Variants in CFAP47 observed in about 807,000 individuals in gnomAD.
CFAP47 encodes the protein cilia and flagella associated protein 47, also known as cilia- and flagella-associated protein 47.
In CFAP47, 29 loss-of-function variants were observed where a neutral mutation model predicts 148.1. The ratio of observed to expected loss-of-function variants is 0.20; its 90% CI spans 0.15 to 0.27. The LOEUF is 0.27. CFAP47 is among the 10% of genes least tolerant of loss of function. CFAP47 has a pLI of 1.00. For synonymous variants in CFAP47, 664 were observed against 577.3 expected (o/e 1.15, Z -2.15); for missense variants, 1,872 against 1,697.5 (o/e 1.10, Z -1.81).
chrX:36,024,470 C>T (rs1937193476), intron 22 of CFAP47, among the ~76,000 whole-genome samples: 1 of 111,660 alleles, frequency 9.0e-6, no homozygotes, highest in African/African-American at 3.3e-5. Context: ...GGTCACGTGC[C>T]TCCCCAGAAC....
At chrX:36,288,875 A>G (rs1322765209) in intron 51 of CFAP47, among the ~76,000 whole-genome samples, 2 of 111,756 alleles carry the variant, frequency 1.8e-5, no homozygotes, top group African/African-American at 3.3e-5. Flanking sequence ...TCTAGTAAAC[A>G]AAATAAAAAT....
At chrX:36,248,390 ATATAT>A (rs1291080535) in intron 48 of CFAP47, among the ~76,000 whole-genome samples, 191 of 104,770 alleles carry the variant, frequency 1.8e-3, no homozygotes, top group Non-Finnish European at 2.0e-3. Flanking sequence ...ATAACATATT[ATATAT>A]TATATTATAT....
chrX:36,001,581 T>C (rs1383324961), intron 20 of CFAP47, 32 bp from the exon 21 acceptor site: 1 of 292,249 alleles, frequency 3.4e-6, no homozygotes, highest in East Asian at 4.8e-5. Context: ...TTTTGATTGT[T>C]ATGAATATGT....
At chrX:36,086,507 C>T (rs2146778039) in intron 30 of CFAP47, among the ~76,000 whole-genome samples, 1 of 111,538 alleles carries the variant, frequency 9.0e-6, no homozygotes, top group Non-Finnish European at 1.9e-5. Context: ...CAGAGATGTT[C>T]ATCTATCCTA....
At chrX:35,920,122 G>C in intron 1 of CFAP47, 74 bp downstream of exon 1, 3 of 1,074,012 alleles carry the variant, frequency 2.8e-6, no homozygotes, top group Non-Finnish European at 3.7e-6. Context: ...CTTTGCCCCA[G>C]GGAGTAGTCA....
intron 37 of CFAP47, among the ~76,000 whole-genome samples, chrX:36,150,090 A>C (rs1939290386): frequency 9.0e-6 from 1 of 110,961 alleles, no homozygotes; most frequent in Admixed American, 9.7e-5. Context: ...TGTGTGTGTA[A>C]ATGATGGATA....
rs112513518 is a variant in CFAP47 at position 36,075,176 on chromosome X, T to C, written c.4691+1812T>C. 9.5e-3 allele frequency among the ~76,000 whole-genome samples: 1,045 copies of C among 109,998 alleles called. 8 individuals carry two copies. The highest frequency in any genetic ancestry group is 0.033 in the African/African-American group (985 of 30,304). On this transcript the variant is annotated intron_variant, in intron 29 of 63. Coordinates refer to ENST00000378653, the MANE Select transcript of CFAP47 (RefSeq NM_001304548.2). ...CATGTGGTAGCTTTATTTTAATGTT[T>C]TAATTTTAATTTTATATGTATTATT... is the stretch of plus-strand genomic sequence containing the variant.
Position 36,371,718 on chromosome X carries a change from A to G in CFAP47, c.9185+4591A>G, listed in dbSNP as rs1357897625. On this transcript the variant is annotated intron_variant, in intron 62 of 63. Transcript: ENST00000378653. ...TACACACATGTGTATATATGTGTGT[A>G]TATACACACATGTGTGTATATATGT... Among the ~76,000 whole-genome samples, 20 of 63,073 alleles carry G rather than the reference A, an allele frequency of 3.2e-4. 1 individual carries two copies. The highest frequency in any genetic ancestry group is 2.2e-3 in the Admixed American group (14 of 6,407). 54.8% of individuals were successfully genotyped at this position (63,073 alleles called of 115,157 possible).
intron 30 of CFAP47, among the ~76,000 whole-genome samples, chrX:36,091,192 A>G (rs1938179258): frequency 9.0e-6 from 1 of 111,055 alleles, no homozygotes; most frequent in Admixed American, 9.6e-5. Context: ...CTTGTCCTCA[A>G]TTTTACCTAG....
intron 26 of CFAP47, among the ~76,000 whole-genome samples, chrX:36,061,559 G>A (rs952327724): frequency 8.9e-6 from 1 of 112,058 alleles, no homozygotes; most frequent in African/African-American, 3.2e-5. Context: ...AATAGCTATA[G>A]CAAGTGTTAG....
chrX:36,108,279 G>A (rs1451970116), intron 33 of CFAP47, among the ~76,000 whole-genome samples: 1 of 110,632 alleles, frequency 9.0e-6, no homozygotes, highest in African/African-American at 3.3e-5. Flanking sequence ...TCCTCTTGTG[G>A]TTTTAAGTTA....
intron 25 of CFAP47, among the ~76,000 whole-genome samples, chrX:36,041,607 A>G (rs1383665444): frequency 1.8e-5 from 2 of 111,598 alleles, no homozygotes; most frequent in Non-Finnish European, 3.8e-5. Context: ...GACAGTATAG[A>G]AAAGCTGAAT....
At chrX:36,090,695 G>A (rs1938168360) in intron 30 of CFAP47, among the ~76,000 whole-genome samples, 1 of 111,584 alleles carries the variant, frequency 9.0e-6, no homozygotes, top group Non-Finnish European at 1.9e-5. Flanking sequence ...TTCAAGATAT[G>A]TGCATATGTT....
intron 33 of CFAP47, among the ~76,000 whole-genome samples, chrX:36,120,376 A>G (rs1328491645): frequency 2.7e-5 from 3 of 110,922 alleles, no homozygotes; most frequent in Non-Finnish European, 5.7e-5. Context: ...TATTTCTGCT[A>G]TGATCTTGAT....
intron 30 of CFAP47, 102 bp downstream of exon 30, chrX:36,085,640 A>AAC (rs200423976): frequency 0.091 from 29,247 of 321,832 alleles, 1,590 homozygotes; most frequent in African/African-American, 0.27. Flanking sequence ...TTTCTAACCA[A>AAC]ACACACACAC....
In CFAP47 at chrX:36,379,362, G is replaced by T; in HGVS notation, c.9198G>T (p.Pro3066=). Residue 3066 remains proline (P), a synonymous_variant, in exon 63 of 64, where the codon CCG becomes CCT. Coordinates refer to ENST00000378653, the MANE Select transcript of CFAP47 (RefSeq NM_001304548.2). ...ACTTTTGTTCCAGAAATCCTGAGCC[G>T]TTCACCGCACACTTCCTACCTGGCA... ...RLKSQTRNPE[P]FTAHFLPGSD... 8.6e-7 allele frequency: 1 copy of T among 1,166,728 alleles called. No homozygotes were observed. Among genetic ancestry groups the T allele is most frequent in the Middle Eastern group, 2.3e-4 (1 of 4,306 alleles).
Position 36,126,042 on chromosome X carries a change from C to CT in CFAP47, c.5321-11907dup, listed in dbSNP as rs764598422. On this transcript the variant is annotated intron_variant, in intron 33 of 63. Transcript: ENST00000378653. ...TAAATACCATAATAATTTTCTTTTT[C>CT]TTTTTTTTTGCTTTTGTTTTATTTT... Among the ~76,000 whole-genome samples, 62 of 105,970 alleles carry CT rather than the reference C, an allele frequency of 5.9e-4. 1 individual carries two copies. Among genetic ancestry groups the CT allele is most frequent in the African/African-American group, 1.0e-3 (29 of 28,821 alleles). 92.0% of individuals were successfully genotyped at this position (105,970 alleles called of 115,157 possible). A position where few individuals can be genotyped will look rare whatever the true frequency, so the allele number is the denominator to read the frequency against.
intron 41 of CFAP47, 148 bp downstream of exon 41, chrX:36,188,838 G>A (rs1481074382): frequency 3.6e-6 from 1 of 279,405 alleles, no homozygotes; most frequent in African/African-American, 2.8e-5. Flanking sequence ...TGAGGCTGAA[G>A]CATAGGTCCT....
rs187387710 is a variant in CFAP47 at position 36,344,414 on chromosome X, C to T, written c.8444-3715C>T. ...GATTTCTTGGAAGTTAACAGCATTA[C>T]AGAGTGGTTCTTATCCATCCAAAGG... is the stretch of plus-strand genomic sequence containing the variant. On this transcript the variant is annotated intron_variant, in intron 57 of 63. Transcript: ENST00000378653. Among the ~76,000 whole-genome samples the T allele has an allele frequency of 9.6e-4, 106 of 110,411 alleles. 1 individual carries two copies. The highest frequency in any genetic ancestry group is 3.4e-3 in the African/African-American group (103 of 30,499).
Sources: allele counts gnomAD v4.1 joint callset (sites outside exome capture counted in the v4.1 genomes callset), GRCh38; gene constraint gnomAD v4.1.1; transcripts MANE v1.5; gene names NCBI Gene and HGNC (gene_info 2026-07-23, HGNC 2026-07-21).